The following TAFA1 variants were observed in gnomAD, a reference collection of about 807,000 sequenced individuals.
TAFA1 encodes TAFA chemokine like family member 1.
In TAFA1, 4 loss-of-function variants were observed where a neutral mutation model predicts 18.5. The ratio of observed to expected loss-of-function variants is 0.22; its 90% CI spans 0.11 to 0.49. TAFA1 has a LOEUF of 0.49. Ranked by LOEUF, TAFA1 falls within the 20% of genes least tolerant of loss-of-function variation. The pLI is 0.98. For synonymous variants in TAFA1, 56 were observed against 55.2 expected, an observed-to-expected ratio of 1.01 and a Z score of -0.06; for missense variants, 147 against 169.0, an observed-to-expected ratio of 0.87 and a Z score of 0.72.
chr3:68,228,745 T>G (rs563928627), intron 2 of TAFA1, among the ~76,000 whole-genome samples: 2 of 152,360 alleles, frequency 1.3e-5, no homozygotes, highest in South Asian at 2.1e-4. Context: ...TGCTTCTTAG[T>G]AAAACCAGCT....
chr3:68,468,842 T>C (rs1361404887), intron 3 of TAFA1, among the ~76,000 whole-genome samples: 3 of 152,208 alleles, frequency 2.0e-5, no homozygotes, highest in Non-Finnish European at 4.4e-5. Context: ...GCAAATGTAG[T>C]TTCTAAGAAA....
At chr3:68,218,700 T>C (rs1305716153) in intron 2 of TAFA1, among the ~76,000 whole-genome samples, 2 of 152,130 alleles carry the variant, frequency 1.3e-5, no homozygotes, top group African/African-American at 4.8e-5. Context: ...AAAATTTGCA[T>C]TGAGTTAAAT....
intron 2 of TAFA1, among the ~76,000 whole-genome samples, chr3:68,373,172 A>G (rs567779627): frequency 5.5e-4 from 84 of 152,356 alleles, no homozygotes; most frequent in Admixed American, 5.3e-3. Context: ...GAATACATAA[A>G]TAAGTTAATA....
chr3:68,444,813 A>ATATATATAT (rs1559673109), intron 3 of TAFA1, among the ~76,000 whole-genome samples: 2 of 134,196 alleles, frequency 1.5e-5, no homozygotes, highest in Non-Finnish European at 3.3e-5. Flanking sequence ...TATATATATA[A>ATATATATAT]AATAAATTAA....
At position 68,544,588 on chromosome 3, in the gene TAFA1, C is replaced by G; in HGVS notation, c.*85C>G. The G allele has an allele frequency of 7.2e-7, 1 of 1,384,336 alleles. No homozygotes were observed. The highest frequency in any genetic ancestry group is 1.0e-6 in the Non-Finnish European group (1 of 981,320). 85.8% of individuals were successfully genotyped at this position (1,384,336 alleles called of 1,614,324 possible). On this transcript the variant is annotated 3_prime_UTR_variant, in exon 5 of 5. Coordinates refer to ENST00000478136, the MANE Select transcript of TAFA1 (RefSeq NM_213609.4). ...TCAAACATCTCACATATATACAAGCCAAATGGATTTCTTACTTGCACTTTG... is the reference window on the plus strand; with the variant it reads ...TCAAACATCTCACATATATACAAGCGAAATGGATTTCTTACTTGCACTTTG...
At chr3:68,406,250 T>A (rs1192459772) in intron 2 of TAFA1, among the ~76,000 whole-genome samples, 1 of 152,182 alleles carries the variant, frequency 6.6e-6, no homozygotes, top group African/African-American at 2.4e-5. Flanking sequence ...ATGTCTGTTC[T>A]GGAAATTGTT....
intron 2 of TAFA1, among the ~76,000 whole-genome samples, chr3:68,054,252 TC>T (rs1269545321): frequency 6.6e-6 from 1 of 152,062 alleles, no homozygotes; most frequent in Non-Finnish European, 1.5e-5. Flanking sequence ...ATGAATGTCT[TC>T]CCTTTGGGAG....
rs558830809 is a variant in TAFA1, at chr3:68,173,080, T to G, written c.118+166336T>G. Among the ~76,000 whole-genome samples the G allele has an allele frequency of 2.0e-5, 3 of 152,180 alleles. No individual in the cohort carries two copies. The East Asian group carries it at 5.8e-4, about 29-fold the overall frequency. On this transcript the variant is annotated intron_variant, in intron 2 of 4. Coordinates refer to ENST00000478136, the MANE Select transcript of TAFA1 (RefSeq NM_213609.4). The stretch of plus-strand genomic sequence containing the variant: ...GGGTTAGCTAAAGAGCTATAGTCCT[T>G]GAGCTCAGTACAAAAAAGTATCCCA...
intron 2 of TAFA1, among the ~76,000 whole-genome samples, chr3:68,258,277 A>G (rs2067337599): frequency 2.0e-5 from 3 of 152,190 alleles, no homozygotes; most frequent in Admixed American, 1.3e-4. Context: ...AAAATATTTC[A>G]AAACATTTTC....
chr3:68,407,031 C>T (rs576266260), intron 2 of TAFA1, among the ~76,000 whole-genome samples: 5 of 152,146 alleles, frequency 3.3e-5, no homozygotes, highest in Non-Finnish European at 7.4e-5. Flanking sequence ...ATGGTATTAC[C>T]TTACTTTTAG....
chr3:68,014,379 A>T (rs1704530772), intron 2 of TAFA1, among the ~76,000 whole-genome samples: 1 of 152,248 alleles, frequency 6.6e-6, no homozygotes, highest in Admixed American at 6.5e-5. Context: ...AGAACTTTAC[A>T]TTCTTTAAAA....
At chr3:68,214,904 CCCCACAA>C (rs2066637132) in intron 2 of TAFA1, among the ~76,000 whole-genome samples, 2 of 151,924 alleles carry the variant, frequency 1.3e-5, no homozygotes, top group East Asian at 3.9e-4. Flanking sequence ...GTGGGGAGTT[CCCCACAA>C]TTTTAGTCCA....
At chr3:68,101,254 G>A (rs977127593) in intron 2 of TAFA1, among the ~76,000 whole-genome samples, 3 of 151,560 alleles carry the variant, frequency 2.0e-5, no homozygotes, top group Admixed American at 6.6e-5. Context: ...AGGCTTGAAG[G>A]TGTGATTTCT....
intron 2 of TAFA1, among the ~76,000 whole-genome samples, chr3:68,286,228 C>A (rs536805818): frequency 8.6e-5 from 13 of 151,614 alleles, no homozygotes; most frequent in African/African-American, 2.9e-4. Context: ...TAATAATAAT[C>A]ATAACAAATT....
At chr3:68,055,296 G>T (rs1252144977) in intron 2 of TAFA1, among the ~76,000 whole-genome samples, 5 of 152,112 alleles carry the variant, frequency 3.3e-5, no homozygotes, top group Admixed American at 3.3e-4. Flanking sequence ...TCATGTGTGT[G>T]TATGTATGCG....
At chr3:68,100,132 CAATCCCTG>C (rs1218709615) in intron 2 of TAFA1, among the ~76,000 whole-genome samples, 2 of 152,024 alleles carry the variant, frequency 1.3e-5, no homozygotes, top group East Asian at 3.9e-4. Context: ...CCTCCACGTA[CAATCCCTG>C]AATATAAAAT....
chr3:68,507,017 A>C (rs147127375), intron 3 of TAFA1, among the ~76,000 whole-genome samples: 126 of 152,222 alleles, frequency 8.3e-4, no homozygotes, highest in African/African-American at 2.7e-3. Flanking sequence ...ATGCATAGCA[A>C]ATTCATAGCT....
chr3:67,993,714 A>G, the TAFA1 span, among the ~76,000 whole-genome samples: 3 of 152,332 alleles, frequency 2.0e-5, no homozygotes, highest in Admixed American at 2.0e-4. Context: ...ATACCAGTAC[A>G]TCTTCTATTT....
In TAFA1 at chr3:68,499,593, C is replaced by T. The variant is rs138208120; in HGVS notation, c.260-39163C>T. 5.1e-4 allele frequency among the ~76,000 whole-genome samples: 78 copies of T among 151,690 alleles called. No individual in the cohort carries two copies. In the East Asian group the frequency reaches 0.01, roughly 20 times the overall value. On this transcript the variant is annotated intron_variant, in intron 3 of 4. Coordinates refer to ENST00000478136, the MANE Select transcript of TAFA1 (RefSeq NM_213609.4). ...TTTATGTATTTATTTATCTTATGGG[C>T]GAGGGCCAGGCTGTGAGCCAGTGTG...
Sources: gnomAD v4.1 joint callset for allele counts (sites outside exome capture counted in the v4.1 genomes callset) on GRCh38, gnomAD v4.1.1 for gene constraint, MANE v1.5 for transcripts, NCBI Gene and HGNC (gene_info 2026-07-23, HGNC 2026-07-21) for gene names.